Variants in CNTNAP5 observed in about 807,000 individuals in gnomAD.
CNTNAP5 encodes contactin associated protein family member 5, also known as contactin-associated protein-like 5.
Under a neutral mutation model 150.2 loss-of-function variants are expected in CNTNAP5, and 72 were observed. The ratio of observed to expected loss-of-function variants is 0.48; its 90% CI spans 0.40 to 0.58. The LOEUF (loss-of-function observed/expected upper bound fraction) is 0.58, where lower values mean the gene tolerates loss of function less well. Ranked by LOEUF, CNTNAP5 falls within the 20% of genes least tolerant of loss-of-function variation. The probability of loss-of-function intolerance (pLI) is 0.00; values close to 1 mark genes in which losing one functional copy is unlikely to be tolerated. For missense variants in CNTNAP5, 1,636 were observed against 1,626.2 expected (o/e 1.01, Z -0.10); for synonymous variants, 672 against 619.8 (o/e 1.08, Z -1.25).
At chr2:124,860,419 C>T (rs1311503596) in intron 19 of CNTNAP5, among the ~76,000 whole-genome samples, 1 of 75,730 alleles carries the variant, frequency 1.3e-5, no homozygotes, top group Non-Finnish European at 2.4e-5. Context: ...TCTCTCCCTT[C>T]CTTCCTTCCT....
At chr2:124,158,500 A>T (rs1438117797) in intron 1 of CNTNAP5, among the ~76,000 whole-genome samples, 1 of 152,180 alleles carries the variant, frequency 6.6e-6, no homozygotes, top group African/African-American at 2.4e-5. Flanking sequence ...TGTGTGGCCA[A>T]TTCACGTTTT....
chr2:124,774,915 G>A (rs1011666926), intron 17 of CNTNAP5, among the ~76,000 whole-genome samples: 5 of 152,154 alleles, frequency 3.3e-5, no homozygotes, highest in South Asian at 4.1e-4. Flanking sequence ...ATCTGCAGAC[G>A]TTTCGGTTAA....
chr2:124,625,233 C>A (rs565038226), intron 12 of CNTNAP5, among the ~76,000 whole-genome samples: 47 of 152,310 alleles, frequency 3.1e-4, no homozygotes, highest in African/African-American at 1.1e-3. Flanking sequence ...CACTTTACCT[C>A]CGTGTCCGTC....
chr2:124,252,288 C>A (rs1185583619), intron 3 of CNTNAP5, among the ~76,000 whole-genome samples: 1 of 152,160 alleles, frequency 6.6e-6, no homozygotes, highest in Non-Finnish European at 1.5e-5. Context: ...AGGAAAGATC[C>A]TGTGCTTACC....
intron 3 of CNTNAP5, among the ~76,000 whole-genome samples, chr2:124,357,984 G>C (rs1307682245): frequency 5.3e-5 from 8 of 149,674 alleles, no homozygotes; most frequent in Admixed American, 4.0e-4. Flanking sequence ...TTATTTCCTT[G>C]AGCAGTGGTT....
At chr2:124,838,625 T>A (rs1365059054) in intron 19 of CNTNAP5, among the ~76,000 whole-genome samples, 1 of 152,112 alleles carries the variant, frequency 6.6e-6, no homozygotes, top group African/African-American at 2.4e-5. Context: ...TCAAATAGGG[T>A]CACAGTCTAC....
At chr2:124,459,747 A>G (rs893685760) in intron 6 of CNTNAP5, among the ~76,000 whole-genome samples, 2 of 137,260 alleles carry the variant, frequency 1.5e-5, no homozygotes, top group Admixed American at 1.6e-4. Flanking sequence ...AACAAGAGTG[A>G]AATTCCTCTG....
intron 2 of CNTNAP5, among the ~76,000 whole-genome samples, chr2:124,228,746 A>G (rs187931666): frequency 1.6e-4 from 24 of 152,288 alleles, no homozygotes; most frequent in Admixed American, 5.2e-4. Flanking sequence ...TATTACAGTA[A>G]TTAGTGAATT....
intron 11 of CNTNAP5, among the ~76,000 whole-genome samples, chr2:124,570,277 T>C (rs1696121400): frequency 6.6e-6 from 1 of 152,162 alleles, no homozygotes; most frequent in Non-Finnish European, 1.5e-5. Context: ...GAGAAAGTGC[T>C]CAAAATAATT....
In CNTNAP5 at chr2:124,410,154, G is replaced by A. The variant is rs1194710054; in HGVS notation, c.382-7289G>A. On this transcript the variant is annotated intron_variant, in intron 3 of 23. Transcript: ENST00000682447. Reference sequence around the variant, plus strand: ...AGGAGGCCATTACATAATGGTAAAGGGATCAATTCAACAAGAAGAGCTAAC... The same window carrying A: ...AGGAGGCCATTACATAATGGTAAAGAGATCAATTCAACAAGAAGAGCTAAC... 7.9e-5 allele frequency among the ~76,000 whole-genome samples: 12 copies of A among 151,962 alleles called. No individual in the cohort carries two copies. The East Asian group carries it at 2.3e-3, about 29-fold the overall frequency.
chr2:124,030,231 A>G (rs537684932), intron 1 of CNTNAP5, among the ~76,000 whole-genome samples: 5 of 152,150 alleles, frequency 3.3e-5, no homozygotes, highest in Middle Eastern at 3.2e-3. Flanking sequence ...ATATTCTAAC[A>G]TTGTAAAGCA....
At chr2:124,114,883 T>C (rs1683388145) in intron 1 of CNTNAP5, among the ~76,000 whole-genome samples, 1 of 151,604 alleles carries the variant, frequency 6.6e-6, no homozygotes, top group South Asian at 2.1e-4. Context: ...TTTTTCTGCA[T>C]CTAAGATTTT....
At chr2:124,783,627 A>G (rs961307082) in intron 17 of CNTNAP5, among the ~76,000 whole-genome samples, 3 of 152,276 alleles carry the variant, frequency 2.0e-5, no homozygotes, top group Middle Eastern at 6.8e-3. Context: ...TGTTAACCAA[A>G]TTCAAGTTAT....
At chr2:124,461,596 G>A (rs1453378826) in intron 6 of CNTNAP5, among the ~76,000 whole-genome samples, 1 of 151,674 alleles carries the variant, frequency 6.6e-6, no homozygotes, top group Non-Finnish European at 1.5e-5. Context: ...GTTAGTGGGT[G>A]CAGCACACCA....
chr2:124,337,092 T>C (rs1191252134), intron 3 of CNTNAP5, among the ~76,000 whole-genome samples: 4 of 152,174 alleles, frequency 2.6e-5, no homozygotes, highest in Non-Finnish European at 5.9e-5. Context: ...TGGTATCTCA[T>C]TGTGGTTTTG....
At chr2:124,118,906 T>C (rs1447143003) in intron 1 of CNTNAP5, among the ~76,000 whole-genome samples, 2 of 152,230 alleles carry the variant, frequency 1.3e-5, no homozygotes, top group Non-Finnish European at 2.9e-5. Flanking sequence ...CAGGTCTATC[T>C]GGCTCCAAAT....
intron 3 of CNTNAP5, among the ~76,000 whole-genome samples, chr2:124,338,524 G>T (rs1170229822): frequency 3.3e-5 from 5 of 151,990 alleles, no homozygotes; most frequent in Non-Finnish European, 7.4e-5. Context: ...CCAGGAGCTG[G>T]CCTCAAAAAA....
At chr2:124,402,471 C>T (rs1365659950) in intron 3 of CNTNAP5, among the ~76,000 whole-genome samples, 1 of 152,196 alleles carries the variant, frequency 6.6e-6, no homozygotes, top group Non-Finnish European at 1.5e-5. Flanking sequence ...ACTAGCACAG[C>T]TCTGAGAGCC....
chr2:124,025,882 C>A (rs936283158), intron 1 of CNTNAP5, 150 bp downstream of exon 1: 6 of 716,500 alleles, frequency 8.4e-6, no homozygotes, highest in Non-Finnish European at 1.5e-5. Flanking sequence ...ATCACTCCAA[C>A]CATCCCAAAA....
Sources: allele counts gnomAD v4.1 joint callset (sites outside exome capture counted in the v4.1 genomes callset), GRCh38; gene constraint gnomAD v4.1.1; transcripts MANE v1.5; gene names NCBI Gene and HGNC (gene_info 2026-07-23, HGNC 2026-07-21).